The following EPHA6 variants were observed in gnomAD, a reference collection of about 807,000 sequenced individuals.
EPHA6 encodes the protein EPH receptor A6, also known as ephrin type-A receptor 6.
Under a neutral mutation model 112.0 loss-of-function variants are expected in EPHA6, and 50 were observed. The observed-to-expected ratio is 0.45, with a 90% CI of 0.36 to 0.56. The LOEUF (loss-of-function observed/expected upper bound fraction) is 0.56. Ranked by LOEUF, EPHA6 falls within the 20% of genes least tolerant of loss-of-function variation. EPHA6 has a pLI of 0.00. For missense variants in EPHA6, 1,280 were observed against 1,417.4 expected (o/e 0.90, Z 1.56); for synonymous variants, 529 against 490.7 (o/e 1.08, Z -1.03).
chr3:97,711,790 C>T (rs1162598476), intron 14 of EPHA6, among the ~76,000 whole-genome samples: 1 of 152,198 alleles, frequency 6.6e-6, no homozygotes, highest in Admixed American at 6.5e-5. Context: ...CAGAAACACT[C>T]TCACAACCAC....
chr3:97,576,054 C>T (rs1333651185), intron 11 of EPHA6, among the ~76,000 whole-genome samples: 7 of 152,034 alleles, frequency 4.6e-5, no homozygotes, highest in African/African-American at 1.7e-4. Context: ...ATAAGGAACA[C>T]AGTGTGGGGA....
At chr3:97,253,530 T>C (rs9878987) in intron 5 of EPHA6, among the ~76,000 whole-genome samples, 6 of 152,050 alleles carry the variant, frequency 3.9e-5, no homozygotes, top group Non-Finnish European at 8.8e-5. Flanking sequence ...AAATAATTAT[T>C]ACAGAAATTG....
Position 97,515,737 on chromosome 3 carries a change from A to G in EPHA6, c.2201-16621A>G, listed in dbSNP as rs916382072. On this transcript the variant is annotated intron_variant, in intron 10 of 17. Transcript: ENST00000389672. ...GTAAGTGAGTAATGTACTGGACTTC[A>G]TGATTTCAGGTGAAGAGAAAAATTT... is the stretch of plus-strand genomic sequence containing the variant. 3.3e-5 allele frequency among the ~76,000 whole-genome samples: 5 copies of G among 152,192 alleles called. No homozygotes were observed. The East Asian group carries it at 5.8e-4, about 18-fold the overall frequency.
At chr3:97,732,023 A>G (rs1376307463) in intron 15 of EPHA6, among the ~76,000 whole-genome samples, 1 of 151,976 alleles carries the variant, frequency 6.6e-6, no homozygotes, top group East Asian at 1.9e-4. Flanking sequence ...TTGACTCCCC[A>G]GTGCACTCTC....
At chr3:97,249,375 T>C (rs1239124161) in intron 5 of EPHA6, among the ~76,000 whole-genome samples, 1 of 152,186 alleles carries the variant, frequency 6.6e-6, no homozygotes, top group Admixed American at 6.5e-5. Context: ...GCATAATGAT[T>C]ATAGTGCAGC....
chr3:97,080,824 C>T (rs992408193), intron 3 of EPHA6, among the ~76,000 whole-genome samples: 1 of 151,848 alleles, frequency 6.6e-6, no homozygotes, highest in African/African-American at 2.4e-5. Context: ...AGTAATTATA[C>T]ATCACATATT....
intron 2 of EPHA6, among the ~76,000 whole-genome samples, chr3:96,926,267 G>A (rs1019323436): frequency 1.4e-4 from 21 of 152,064 alleles, no homozygotes; most frequent in African/African-American, 3.1e-4. Flanking sequence ...CAAGAACAGC[G>A]TGGTGAAACC....
intron 14 of EPHA6, among the ~76,000 whole-genome samples, chr3:97,675,198 T>C (rs905858891): frequency 1.3e-5 from 2 of 152,096 alleles, no homozygotes; most frequent in African/African-American, 2.4e-5. Flanking sequence ...AACCAAACAG[T>C]GTCAGGTGCG....
At chr3:97,122,338 C>G (rs990572757) in intron 3 of EPHA6, among the ~76,000 whole-genome samples, 4 of 152,002 alleles carry the variant, frequency 2.6e-5, no homozygotes, top group Non-Finnish European at 5.9e-5. Flanking sequence ...CTCAATGACA[C>G]AGTCACAAAA....
intron 2 of EPHA6, among the ~76,000 whole-genome samples, chr3:96,937,194 C>T (rs1310286872): frequency 6.6e-6 from 1 of 152,174 alleles, no homozygotes; most frequent in Non-Finnish European, 1.5e-5. Flanking sequence ...CACTGACTTC[C>T]ACAATGGTTG....
At chr3:97,607,245 T>C (rs948811788) in intron 12 of EPHA6, among the ~76,000 whole-genome samples, 1 of 149,934 alleles carries the variant, frequency 6.7e-6, no homozygotes, top group African/African-American at 2.4e-5. Context: ...AGGGTATCTA[T>C]GGAACATTTA....
intron 5 of EPHA6, among the ~76,000 whole-genome samples, chr3:97,277,797 G>A (rs921423299): frequency 1.3e-5 from 2 of 152,242 alleles, no homozygotes; most frequent in South Asian, 2.1e-4. Context: ...GCTTGGACTG[G>A]AAGTTGCTCC....
intron 3 of EPHA6, among the ~76,000 whole-genome samples, chr3:97,075,906 G>A (rs757238362): frequency 7.9e-5 from 12 of 151,964 alleles, no homozygotes; most frequent in Non-Finnish European, 1.3e-4. Context: ...TATGAACCAT[G>A]TTCATCAAAG....
chr3:97,086,283 T>C (rs1247924724), intron 3 of EPHA6, among the ~76,000 whole-genome samples: 2 of 152,110 alleles, frequency 1.3e-5, no homozygotes, highest in African/African-American at 4.8e-5. Context: ...GTCCTCATGC[T>C]GAAATTTAAA....
At chr3:97,167,163 ATC>A (rs2076561296) in intron 3 of EPHA6, among the ~76,000 whole-genome samples, 1 of 152,196 alleles carries the variant, frequency 6.6e-6, no homozygotes, top group African/African-American at 2.4e-5. Context: ...ACAGTATATT[ATC>A]TGTTTGAATT....
At chr3:97,328,698 A>C (rs1430974277) in intron 5 of EPHA6, among the ~76,000 whole-genome samples, 2 of 151,884 alleles carry the variant, frequency 1.3e-5, no homozygotes, top group Non-Finnish European at 2.9e-5. Context: ...AATGGTTTTA[A>C]TTTCATGTGG....
intron 6 of EPHA6, among the ~76,000 whole-genome samples, chr3:97,428,202 A>G (rs2089282051): frequency 6.6e-6 from 1 of 152,190 alleles, no homozygotes; most frequent in Admixed American, 6.5e-5. Context: ...AACCTCAAAA[A>G]CATACGAAAC....
At chr3:97,696,005 T>G (rs887584744) in intron 14 of EPHA6, among the ~76,000 whole-genome samples, 1 of 152,248 alleles carries the variant, frequency 6.6e-6, no homozygotes, top group African/African-American at 2.4e-5. Context: ...CATTAGGCAC[T>G]GAAAAGATAT....
At chr3:97,620,077 C>T (rs572129110) in intron 13 of EPHA6, among the ~76,000 whole-genome samples, 30 of 152,054 alleles carry the variant, frequency 2.0e-4, no homozygotes, top group African/African-American at 6.3e-4. Context: ...ACACATAGAC[C>T]AGTGGAAGAG....
Sources: allele counts gnomAD v4.1 joint callset (sites outside exome capture counted in the v4.1 genomes callset), GRCh38; gene constraint gnomAD v4.1.1; transcripts MANE v1.5; gene names NCBI Gene and HGNC (gene_info 2026-07-23, HGNC 2026-07-21).